The following PTPRD variants were observed in gnomAD, a reference collection of about 807,000 sequenced individuals.
PTPRD encodes receptor-type tyrosine-protein phosphatase delta.
A neutral mutation model predicts 214.5 loss-of-function variants in PTPRD; 34 were observed. The ratio of observed to expected loss-of-function variants is 0.16; its 90% CI spans 0.12 to 0.21. The LOEUF is 0.21. PTPRD is among the 10% of genes least tolerant of loss of function. PTPRD has a pLI of 1.00. For synonymous variants in PTPRD, 1,128 were observed against 845.7 expected, an observed-to-expected ratio of 1.33 and a Z score of -5.79; for missense variants, 2,545 against 2,398.7, an observed-to-expected ratio of 1.06 and a Z score of -1.27.
chr9:8,832,672 C>T (rs2097322229), intron 11 of PTPRD, among the ~76,000 whole-genome samples: 1 of 151,998 alleles, frequency 6.6e-6, no homozygotes, highest in South Asian at 2.1e-4. Context: ...ACTGCAGGAT[C>T]ACAAGACTTC....
At chr9:10,184,139 T>G (rs973266155) in intron 3 of PTPRD, among the ~76,000 whole-genome samples, 9 of 152,006 alleles carry the variant, frequency 5.9e-5, no homozygotes, top group African/African-American at 2.2e-4. Flanking sequence ...AAAAAGAAAT[T>G]TTAGGCCGGG....
chr9:9,763,811 T>G (rs116851193), intron 6 of PTPRD, among the ~76,000 whole-genome samples: 919 of 152,254 alleles, frequency 6.0e-3, no homozygotes, highest in Middle Eastern at 0.017. Flanking sequence ...GTACTTTAAT[T>G]CCTTTTGTCA....
At chr9:10,539,884 A>T (rs774195834) in intron 2 of PTPRD, among the ~76,000 whole-genome samples, 10 of 152,174 alleles carry the variant, frequency 6.6e-5, no homozygotes, top group Admixed American at 2.6e-4. Flanking sequence ...TGAGGGGCCC[A>T]TCTTGCGTCT....
chr9:8,502,159 T>G (rs2097424463), intron 23 of PTPRD, among the ~76,000 whole-genome samples: 1 of 152,126 alleles, frequency 6.6e-6, no homozygotes. Context: ...GCATTATGAT[T>G]TTAAAAAATT....
At chr9:9,214,390 C>T (rs759447478) in intron 9 of PTPRD, among the ~76,000 whole-genome samples, 3 of 152,156 alleles carry the variant, frequency 2.0e-5, no homozygotes, top group Non-Finnish European at 2.9e-5. Context: ...ATTAAACAGG[C>T]TGAATTTGTT....
chr9:9,895,986 G>C (rs990356632), intron 5 of PTPRD, among the ~76,000 whole-genome samples: 2 of 152,052 alleles, frequency 1.3e-5, no homozygotes, highest in African/African-American at 4.8e-5. Flanking sequence ...ATGATGGGTA[G>C]CTAAAGGGTC....
intron 14 of PTPRD, among the ~76,000 whole-genome samples, chr9:8,609,135 G>C (rs1010257522): frequency 4.6e-5 from 7 of 152,176 alleles, no homozygotes; most frequent in Admixed American, 3.3e-4. Flanking sequence ...CTCAATGAAT[G>C]TAATTTTAAT....
intron 7 of PTPRD, among the ~76,000 whole-genome samples, chr9:9,705,898 G>C (rs970252257): frequency 1.3e-5 from 2 of 152,132 alleles, no homozygotes; most frequent in Non-Finnish European, 2.9e-5. Context: ...AAGAGAGGTA[G>C]TATGGCTTAG....
At chr9:9,197,736 C>G (rs1169228522) in intron 9 of PTPRD, among the ~76,000 whole-genome samples, 3 of 152,176 alleles carry the variant, frequency 2.0e-5, no homozygotes, top group African/African-American at 4.8e-5. Context: ...CTGAGTTAAT[C>G]TTCCAGTCTA....
At chr9:8,772,717 A>T (rs1336383494) in intron 11 of PTPRD, among the ~76,000 whole-genome samples, 2 of 152,048 alleles carry the variant, frequency 1.3e-5, no homozygotes, top group African/African-American at 4.8e-5. Context: ...ATCTGTGTCA[A>T]TTCTGAGTCA....
chr9:9,628,508 A>G (rs576416740), intron 7 of PTPRD, among the ~76,000 whole-genome samples: 1 of 152,276 alleles, frequency 6.6e-6, no homozygotes, highest in African/African-American at 2.4e-5. Flanking sequence ...GGATCTGCAC[A>G]CAGCTGCTAC....
intron 7 of PTPRD, among the ~76,000 whole-genome samples, chr9:9,688,387 A>G (rs1325525371): frequency 6.6e-6 from 1 of 151,868 alleles, no homozygotes; most frequent in Non-Finnish European, 1.5e-5. Context: ...ACCTAGGAAG[A>G]CAAGAATAGA....
intron 8 of PTPRD, among the ~76,000 whole-genome samples, chr9:9,543,957 A>T (rs1489886729): frequency 6.6e-6 from 1 of 151,678 alleles, no homozygotes; most frequent in Non-Finnish European, 1.5e-5. Flanking sequence ...AAATTTTATC[A>T]GGTAACTGTC....
intron 7 of PTPRD, among the ~76,000 whole-genome samples, chr9:9,600,189 T>C (rs1041939729): frequency 6.6e-6 from 1 of 152,090 alleles, no homozygotes; most frequent in Admixed American, 6.6e-5. Flanking sequence ...AAAGACTTTC[T>C]AGCAAGGTCT....
chr9:9,015,867 C>G (rs2099532730), intron 11 of PTPRD, among the ~76,000 whole-genome samples: 1 of 152,072 alleles, frequency 6.6e-6, no homozygotes, highest in Non-Finnish European at 1.5e-5. Context: ...AATTTTTGAC[C>G]ATAAACAGAA....
chr9:8,357,871 G>T (rs542623390), intron 39 of PTPRD, among the ~76,000 whole-genome samples: 3 of 152,164 alleles, frequency 2.0e-5, no homozygotes, highest in African/African-American at 7.2e-5. Flanking sequence ...CAAAATGAAT[G>T]TAAGTATCCT....
In PTPRD at chr9:8,509,472, G is replaced by A. The variant is rs144071856; in HGVS notation, c.1544-2038C>T. Among the ~76,000 whole-genome samples the A allele has an allele frequency of 1.1e-4, 16 of 152,228 alleles. No individual in the cohort carries two copies. The East Asian group carries it at 3.1e-3, about 29-fold the overall frequency. Reference sequence around the variant, plus strand: ...TCCCAATTTCCTGGGAAACAAGAAAGTTTGTGTTAACTCCTGACTCAAACC... The same window carrying A: ...TCCCAATTTCCTGGGAAACAAGAAAATTTGTGTTAACTCCTGACTCAAACC... On this transcript the variant is annotated intron_variant, in intron 21 of 45. Transcript: ENST00000381196.
At chr9:9,914,049 A>G (rs2079980306) in intron 5 of PTPRD, among the ~76,000 whole-genome samples, 1 of 152,158 alleles carries the variant, frequency 6.6e-6, no homozygotes, top group Non-Finnish European at 1.5e-5. Flanking sequence ...AGAAACCAGT[A>G]TTTGGTACCA....
At position 9,787,796 on chromosome 9, in the gene PTPRD, A is replaced by G. The variant is rs969371080; in HGVS notation, c.-367-20945T>C. On this transcript the variant is annotated intron_variant, in intron 5 of 45. Coordinates refer to ENST00000381196, the MANE Select transcript of PTPRD (RefSeq NM_002839.4). ...ATTTATTATTATTATTATTATTATT[A>G]TTTGAGACAGTGTCTTGCTCTGTCT... Among the ~76,000 whole-genome samples the G allele has an allele frequency of 2.0e-5, 3 of 151,470 alleles. 1 individual carries two copies. Among genetic ancestry groups the G allele is most frequent in the Middle Eastern group, 3.4e-3 (1 of 290 alleles).
Sources: gnomAD v4.1 joint callset for allele counts (sites outside exome capture counted in the v4.1 genomes callset) on GRCh38, gnomAD v4.1.1 for gene constraint, MANE v1.5 for transcripts, NCBI Gene and HGNC (gene_info 2026-07-23, HGNC 2026-07-21) for gene names.